PTGES2: variants seen among roughly 807,000 people sequenced by gnomAD.
The protein encoded by PTGES2 is GATE-binding factor 1.
PTGES2 carries 35 observed loss-of-function variants against 44.5 expected under a neutral mutation model. That is an observed-to-expected ratio of 0.79 (90% CI 0.60 to 1.04). PTGES2 has a LOEUF of 1.04. Ranked by LOEUF, PTGES2 falls within the 50% of genes least tolerant of loss-of-function variation. The pLI is 0.00. For synonymous variants in PTGES2, 221 were observed against 227.5 expected, an observed-to-expected ratio of 0.97 and a Z score of 0.26; for missense variants, 517 against 521.4, an observed-to-expected ratio of 0.99 and a Z score of 0.08.
chr9:128,122,879 C>T, intron 5 of PTGES2, 55 bp downstream of exon 5: 1 of 1,584,616 alleles, frequency 6.3e-7, no homozygotes, highest in Non-Finnish European at 8.7e-7. Context: ...ATCACCACTG[C>T]TCGTGGCACC....
chr9:128,124,307 C>A, intron 3 of PTGES2, 185 bp downstream of exon 3: 1 of 488,392 alleles, frequency 2.0e-6, no homozygotes, highest in East Asian at 3.7e-5. Flanking sequence ...TGGTCTGGAA[C>A]TCCTGACCTC....
At chr9:128,127,732 C>A (rs139651851), upstream of PTGES2, 5,711 of 1,253,442 alleles carry the variant, frequency 4.6e-3, 77 homozygotes, top group East Asian at 0.056. Flanking sequence ...GCTCCGCCGG[C>A]GCCGCGGGCG....
At chr9:128,128,401 G>A, upstream of PTGES2, 1 of 455,170 alleles carries the variant, frequency 2.2e-6, no homozygotes, top group South Asian at 1.5e-5. Context: ...GAAGCCCGGA[G>A]CCTCCACCGC....
At chr9:128,121,371 C>T in intron 6 of PTGES2, 98 bp from the exon 7 acceptor site, 2 of 1,456,542 alleles carry the variant, frequency 1.4e-6, no homozygotes, top group Non-Finnish European at 1.8e-6. Context: ...CCGTCCCCTC[C>T]CCCCTTGGAG....
At position 128,123,335 on chromosome 9, in the gene PTGES2, C is replaced by T. The variant is rs1834497276; in HGVS notation, c.687-201G>A. Among the ~76,000 whole-genome samples the T allele has an allele frequency of 6.6e-6, 1 of 151,980 alleles. No homozygotes were observed. The highest frequency in any genetic ancestry group is 1.9e-4 in the East Asian group (1 of 5,192). On this transcript the variant is annotated intron_variant, in intron 4 of 6. Coordinates refer to ENST00000338961, the MANE Select transcript of PTGES2 (RefSeq NM_025072.7). This position sits in a 1 kb window ranked among gnomAD's most constrained non-coding sequence, Gnocchi z 4.4. ...CATCTCAGCTCACTGCATCCTCCGC[C>T]TCCTGGGTTCAAGCGATTCTCCTGC...
intron 1 of PTGES2, among the ~76,000 whole-genome samples, chr9:128,126,485 G>C (rs1021651081): frequency 2.6e-5 from 4 of 152,180 alleles, no homozygotes; most frequent in African/African-American, 9.7e-5. Context: ...GCAGTGGGGA[G>C]AGAGGATGAT....
intron 6 of PTGES2, 23 bp downstream of exon 6, chr9:128,122,339 C>G (rs761992237): frequency 1.9e-5 from 30 of 1,587,682 alleles, no homozygotes; most frequent in Non-Finnish European, 2.4e-5. Flanking sequence ...GGTCCAGGCA[C>G]CACCTGCCAC....
chr9:128,127,807 C>A (rs930220225), upstream of PTGES2: 4 of 1,168,842 alleles, frequency 3.4e-6, no homozygotes, highest in Non-Finnish European at 4.3e-6. Flanking sequence ...TGGCGCCCCG[C>A]GGGTTGGCCG....
Position 128,127,435 on chromosome 9 carries a change from T to C in PTGES2, c.279+4A>G. ...TCCCCATCCCCGGCCGGGCCAGGCC[T>C]TACCTGCGCGGCTGAGCGCTCTGCG... On this transcript the variant is annotated splice_donor_region_variant and intron_variant, in intron 1 of 6. Transcript: ENST00000338961. 1 of 1,367,256 alleles carries C rather than the reference T, an allele frequency of 7.3e-7. No homozygotes were observed. The highest frequency in any genetic ancestry group is 1.9e-5 in the South Asian group (1 of 53,842). 84.7% of individuals were successfully genotyped at this position (1,367,256 alleles called of 1,614,324 possible).
chr9:128,128,037 G>A (rs1834711966), upstream of PTGES2: 1 of 381,914 alleles, frequency 2.6e-6, no homozygotes, highest in African/African-American at 2.1e-5. Context: ...GGGCGGCGTG[G>A]CCGTCTGTAA....
rs1321616017 is a variant in PTGES2 at position 128,127,696 on chromosome 9, C to G, written c.22G>C (p.Val8Leu). The change falls in exon 1 of 7, where the codon GTG becomes CTG. Residue 8 changes from valine (V) to leucine (L), a missense_variant. Val to Leu is a conservative substitution (Grantham distance 32). Transcript: ENST00000338961. ...CACCCACCAGGCCACAGCGCCCGCA[C>G]CACCCGCGCAGCCGGGTCCATGTTC... MDPAARV[V>L]RALWPGGCAL... is the part of the protein sequence containing the mutation. 1.6e-6 allele frequency: 2 copies of G among 1,286,782 alleles called. No homozygotes were observed. Among genetic ancestry groups the G allele is most frequent in the Middle Eastern group, 2.9e-4 (1 of 3,392 alleles). 79.7% of individuals were successfully genotyped at this position (1,286,782 alleles called of 1,614,324 possible).
upstream of PTGES2, chr9:128,128,188 T>TG (rs1834727160): frequency 3.2e-6 from 1 of 309,936 alleles, no homozygotes; most frequent in Non-Finnish European, 6.5e-6. Flanking sequence ...CGGTTCTCTC[T>TG]GCCCTCCCGC....
chr9:128,122,828 AGGCCTC>A, intron 5 of PTGES2, 100 bp downstream of exon 5: 1 of 1,229,556 alleles, frequency 8.1e-7, no homozygotes. Context: ...CACCTGCCCT[AGGCCTC>A]GGCCTCCCGC....
chr9:128,125,538 G>T lies in PTGES2; in HGVS notation c.280-97C>A, dbSNP rs112743936. On this transcript the variant is annotated intron_variant, in intron 1 of 6. Transcript: ENST00000338961. ...TTCCAGAGGAGTCTTCTGAAATGAC[G>T]CTAGAACATCGGGAAGAGGAACTAG... The T allele has an allele frequency of 3.3e-5, 37 of 1,120,080 alleles. 2 individuals are homozygous for T. The highest frequency in any genetic ancestry group is 2.6e-4 in the African/African-American group (17 of 64,764). The allele number at this position is 1,120,080 out of a possible 1,614,324, so 69.4% of individuals were successfully genotyped here.
rs1350682114 is a variant in PTGES2, at chr9:128,121,175, C to T, written c.1104G>A (p.Arg368=). ...HIQPWYLRVE[R]AITEASPAH Reference sequence around the variant, plus strand: ...GCGCTGGGGAGGCCTCGGTGATGGCCCTCTCCACCCGCAGGTACCAGGGCT... The same window carrying T: ...GCGCTGGGGAGGCCTCGGTGATGGCTCTCTCCACCCGCAGGTACCAGGGCT... The change falls in exon 7 of 7, where the codon AGG becomes AGA. Residue 368 remains arginine, a synonymous_variant. Coordinates refer to ENST00000338961, the MANE Select transcript of PTGES2 (RefSeq NM_025072.7). The T allele has an allele frequency of 6.9e-6, 11 of 1,591,804 alleles. No individual in the cohort carries two copies. The highest frequency in any genetic ancestry group is 9.4e-6 in the Non-Finnish European group (11 of 1,169,458).
In PTGES2 at chr9:128,122,408, T is replaced by G; in HGVS notation, c.959A>C (p.Lys320Thr). ...AADKWVAAVG[K>T]DRPFMGGQKP... ...CTGGCCCCCCATGAAGGGCCGGTCC[T>G]TGCCCACAGCAGCCACCCACTTGTC... The change falls in exon 6 of 7, where the codon AAG (lysine) becomes ACG (threonine). Residue 320 changes from lysine to threonine, a missense_variant. Coordinates refer to ENST00000338961, the MANE Select transcript of PTGES2 (RefSeq NM_025072.7). The G allele has an allele frequency of 6.2e-7, 1 of 1,614,214 alleles. No individual in the cohort carries two copies. The highest frequency in any genetic ancestry group is 2.2e-5 in the East Asian group (1 of 44,886).
In PTGES2 at chr9:128,121,214, C is replaced by A; in HGVS notation, c.1065G>T (p.Gln355His). 1.3e-6 allele frequency: 2 copies of A among 1,599,960 alleles called. No individual in the cohort carries two copies. The highest frequency in any genetic ancestry group is 1.1e-5 in the South Asian group (1 of 88,644). ...GGTACCAGGGCTGGATGTGCGTGTG[C>A]TGCATCAGGTCATCGAACGCATCCA... ...EGLDAFDDLM[Q>H]HTHIQPWYLR... Residue 355 changes from glutamine (Q) to histidine (H), a missense_variant, in exon 7 of 7, where the codon CAG becomes CAT. Gln to His is a conservative substitution (Grantham distance 24). Coordinates refer to ENST00000338961, the MANE Select transcript of PTGES2 (RefSeq NM_025072.7).
In PTGES2 at chr9:128,127,705, C is replaced by G. The variant is rs551156550; in HGVS notation, c.13G>C (p.Ala5Pro). The change falls in exon 1 of 7, where the codon GCG (alanine) becomes CCG (proline). Residue 5 changes from alanine (A) to proline (P), a missense_variant. Coordinates refer to ENST00000338961, the MANE Select transcript of PTGES2 (RefSeq NM_025072.7). MDPA[A>P]RVVRALWPGG... ...GGCCACAGCGCCCGCACCACCCGCGCAGCCGGGTCCATGTTCGCTCCGCCG... is the reference window on the plus strand; with the variant it reads ...GGCCACAGCGCCCGCACCACCCGCGGAGCCGGGTCCATGTTCGCTCCGCCG... 7 of 1,279,364 alleles carry G rather than the reference C, an allele frequency of 5.5e-6. No homozygotes were observed. The East Asian group carries it at 2.2e-4, about 40-fold the overall frequency. 79.3% of individuals were successfully genotyped at this position (1,279,364 alleles called of 1,614,324 possible).
chr9:128,127,816 C>G (rs1834694070), upstream of PTGES2: 2 of 1,141,646 alleles, frequency 1.8e-6, no homozygotes, highest in South Asian at 8.2e-5. Context: ...GCGGGTTGGC[C>G]GGGGTGAGGG....
Sources: allele counts gnomAD v4.1 joint callset (sites outside exome capture counted in the v4.1 genomes callset), GRCh38; gene constraint gnomAD v4.1.1; non-coding constraint Gnocchi (gnomAD v3.1); transcripts MANE v1.5; gene names NCBI Gene and HGNC (gene_info 2026-07-23, HGNC 2026-07-21).